GRAMD2B: variants seen among roughly 807,000 people sequenced by gnomAD.
GRAMD2B encodes the protein GRAM domain-containing protein 2B.
GRAMD2B carries 41 observed loss-of-function variants against 59.2 expected under a neutral mutation model. The ratio of observed to expected loss-of-function variants is 0.69; its 90% CI spans 0.54 to 0.90. GRAMD2B has a LOEUF of 0.90. Among genes scored for constraint, GRAMD2B ranks in the 40% least tolerant of loss-of-function variants. GRAMD2B has a pLI of 0.00. For missense variants in GRAMD2B, 424 were observed against 500.5 expected (o/e 0.85, Z 1.46); for synonymous variants, 161 against 182.7 (o/e 0.88, Z 0.96).
intron 1 of GRAMD2B, among the ~76,000 whole-genome samples, chr5:126,378,187 TA>T (rs970402046): frequency 2.6e-5 from 4 of 152,134 alleles, no homozygotes. Flanking sequence ...GGATTTGAAA[TA>T]AATCTTTAGC....
chr5:126,431,654 C>A (rs537385357), intron 1 of GRAMD2B, among the ~76,000 whole-genome samples: 23 of 151,558 alleles, frequency 1.5e-4, no homozygotes, highest in African/African-American at 5.1e-4. Context: ...GGGAAGAGAC[C>A]AAGGTAAGAG....
chr5:126,382,887 C>T (rs1755782320), intron 1 of GRAMD2B, among the ~76,000 whole-genome samples: 1 of 152,104 alleles, frequency 6.6e-6, no homozygotes, highest in Non-Finnish European at 1.5e-5. Flanking sequence ...CAGGGCGATT[C>T]CTTGATGTAG....
At chr5:126,472,672 G>A (rs1769843475) in intron 4 of GRAMD2B, among the ~76,000 whole-genome samples, 1 of 152,132 alleles carries the variant, frequency 6.6e-6, no homozygotes, top group African/African-American at 2.4e-5. Context: ...CCTTAGACAT[G>A]GACAGACATG....
At chr5:126,399,062 T>G (rs755102707) in intron 1 of GRAMD2B, among the ~76,000 whole-genome samples, 1 of 152,102 alleles carries the variant, frequency 6.6e-6, no homozygotes, top group South Asian at 2.1e-4. Flanking sequence ...GAAAAATGAG[T>G]ATTCTGGTAC....
chr5:126,483,407 C>T, intron 8 of GRAMD2B, 56 bp from the exon 9 acceptor site: 1 of 1,063,772 alleles, frequency 9.4e-7, no homozygotes, highest in Non-Finnish European at 1.5e-6. Context: ...GTTACAAAGG[C>T]CTGCCTGTTT....
intron 1 of GRAMD2B, among the ~76,000 whole-genome samples, chr5:126,439,241 T>C (rs981573350): frequency 5.3e-5 from 8 of 152,084 alleles, no homozygotes; most frequent in African/African-American, 1.7e-4. Flanking sequence ...GGTTGGACTT[T>C]CCGTATGTTG....
At chr5:126,447,605 A>C (rs1764516132) in intron 1 of GRAMD2B, among the ~76,000 whole-genome samples, 1 of 150,704 alleles carries the variant, frequency 6.6e-6, no homozygotes, top group South Asian at 2.1e-4. Context: ...CGGAGCTTGC[A>C]GTGAGCCGAG....
At chr5:126,415,619 G>T (rs1331536323) in intron 1 of GRAMD2B, among the ~76,000 whole-genome samples, 1 of 152,154 alleles carries the variant, frequency 6.6e-6, no homozygotes, top group Non-Finnish European at 1.5e-5. Flanking sequence ...AAATAAATCT[G>T]TGGCTACTTG....
chr5:126,492,805 C>T (rs1436519375), intron 13 of GRAMD2B, 110 bp from the exon 14 acceptor site: 10 of 670,204 alleles, frequency 1.5e-5, no homozygotes, highest in Non-Finnish European at 2.5e-5. Context: ...CCTTTTGTAG[C>T]TTTTTATTCA....
intron 2 of GRAMD2B, among the ~76,000 whole-genome samples, 178 bp from the exon 3 acceptor site, chr5:126,469,499 G>A (rs916016846): frequency 1.3e-5 from 2 of 152,148 alleles, no homozygotes; most frequent in African/African-American, 4.8e-5. Flanking sequence ...GCTGGGCATG[G>A]TGGCACACAC....
At chr5:126,441,047 A>G (rs1235245224) in intron 1 of GRAMD2B, among the ~76,000 whole-genome samples, 3 of 152,156 alleles carry the variant, frequency 2.0e-5, no homozygotes, top group Admixed American at 6.5e-5. Flanking sequence ...TAAATTCTCT[A>G]AATTATGTTT....
intron 1 of GRAMD2B, among the ~76,000 whole-genome samples, chr5:126,434,508 T>TTTA: frequency 6.6e-6 from 1 of 151,426 alleles, no homozygotes; most frequent in Middle Eastern, 3.4e-3. Flanking sequence ...AATTATCCTT[T>TTTA]TTTTTATTTT....
intron 9 of GRAMD2B, 55 bp downstream of exon 9, chr5:126,483,629 A>C: frequency 4.7e-6 from 4 of 847,134 alleles, no homozygotes; most frequent in South Asian, 3.3e-5. Flanking sequence ...AAACATCCTC[A>C]CCCCACCCCC....
chr5:126,445,887 T>C (rs1296088914), intron 1 of GRAMD2B, among the ~76,000 whole-genome samples: 1 of 152,136 alleles, frequency 6.6e-6, no homozygotes. Flanking sequence ...CTCTCCAGTA[T>C]AGCCAGAGCA....
At chr5:126,410,620 T>G (rs1173361694) in intron 1 of GRAMD2B, among the ~76,000 whole-genome samples, 1 of 152,090 alleles carries the variant, frequency 6.6e-6, no homozygotes, top group Non-Finnish European at 1.5e-5. Flanking sequence ...AGATATACAA[T>G]CATGTTATCT....
At chr5:126,443,258 G>C (rs766526046) in intron 1 of GRAMD2B, among the ~76,000 whole-genome samples, 1 of 152,134 alleles carries the variant, frequency 6.6e-6, no homozygotes, top group Non-Finnish European at 1.5e-5. Context: ...TGCCTAAATC[G>C]TTCTGACATA....
chr5:126,373,914 G>A (rs1424786205), intron 1 of GRAMD2B, among the ~76,000 whole-genome samples: 1 of 152,194 alleles, frequency 6.6e-6, no homozygotes, highest in Non-Finnish European at 1.5e-5. Context: ...AGGGGGGTTA[G>A]AGTTCTATTC....
chr5:126,473,142 G>A, intron 4 of GRAMD2B, 123 bp from the exon 5 acceptor site: 1 of 411,642 alleles, frequency 2.4e-6, no homozygotes. Context: ...AGAAGAAGAG[G>A]TAATAAAACT....
intron 1 of GRAMD2B, among the ~76,000 whole-genome samples, chr5:126,396,317 C>T (rs1412718176): frequency 6.6e-6 from 1 of 152,150 alleles, no homozygotes; most frequent in Non-Finnish European, 1.5e-5. Flanking sequence ...TCCTGATCCT[C>T]TCCCTACTCC....
Sources: gnomAD v4.1 joint callset for allele counts (sites outside exome capture counted in the v4.1 genomes callset) on GRCh38, gnomAD v4.1.1 for gene constraint, MANE v1.5 for transcripts, NCBI Gene and HGNC (gene_info 2026-07-23, HGNC 2026-07-21) for gene names.